Variants in COLEC10 observed in about 807,000 individuals in gnomAD.
The protein encoded by COLEC10 is collectin subfamily member 10.
In COLEC10, 22 loss-of-function variants were observed where a neutral mutation model predicts 28.4. The observed-to-expected ratio is 0.78, with a 90% CI of 0.55 to 1.11. COLEC10 has a LOEUF of 1.11. Ranked by LOEUF, COLEC10 falls within the 50% of genes least tolerant of loss-of-function variation. COLEC10 has a pLI of 0.00. For synonymous variants in COLEC10, 125 were observed against 116.1 expected, an observed-to-expected ratio of 1.08 and a Z score of -0.49; for missense variants, 361 against 344.1, an observed-to-expected ratio of 1.05 and a Z score of -0.39.
intron 1 of COLEC10, among the ~76,000 whole-genome samples, chr8:119,069,227 T>C (rs2130223082): frequency 6.6e-6 from 1 of 152,136 alleles, no homozygotes; most frequent in East Asian, 1.9e-4. Context: ...AGTATATTCA[T>C]CACTGCCTTT....
At chr8:119,042,579 C>T (rs1028819265) in intron 2 of COLEC10, among the ~76,000 whole-genome samples, 2 of 152,096 alleles carry the variant, frequency 1.3e-5, no homozygotes, top group Non-Finnish European at 2.9e-5. Context: ...GAGCCCAGCA[C>T]ACATCCCCTT....
chr8:119,036,324 CTT>C (rs1814389111), intron 2 of COLEC10, among the ~76,000 whole-genome samples: 2 of 152,150 alleles, frequency 1.3e-5, no homozygotes, highest in Admixed American at 1.3e-4. Flanking sequence ...ATCTTGGAGA[CTT>C]TTCAATGATC....
At chr8:119,029,787 A>T (rs775541050) in intron 2 of COLEC10, among the ~76,000 whole-genome samples, 1 of 152,206 alleles carries the variant, frequency 6.6e-6, no homozygotes, top group Non-Finnish European at 1.5e-5. Flanking sequence ...TAAGTATAAG[A>T]CAAATGGTGT....
At chr8:119,088,995 A>G (rs936028312) in intron 1 of COLEC10, among the ~76,000 whole-genome samples, 8 of 152,142 alleles carry the variant, frequency 5.3e-5, no homozygotes, top group South Asian at 2.1e-4. Context: ...TGGAGCTGAG[A>G]CTTCAGTCAA....
the COLEC10 span, among the ~76,000 whole-genome samples, chr8:118,973,020 A>G: frequency 1.6e-4 from 24 of 151,936 alleles, no homozygotes; most frequent in Non-Finnish European, 1.6e-4. Context: ...CATGGGGGTA[A>G]CGACCCCCAT....
intron 3 of COLEC10, among the ~76,000 whole-genome samples, chr8:119,092,397 G>T (rs1054330892): frequency 6.6e-6 from 1 of 152,062 alleles, no homozygotes; most frequent in Non-Finnish European, 1.5e-5. Context: ...ATTAAAGCCT[G>T]AATATTAGAA....
At chr8:119,016,737 A>C (rs1006564022) in intron 2 of COLEC10, among the ~76,000 whole-genome samples, 1 of 152,070 alleles carries the variant, frequency 6.6e-6, no homozygotes, top group African/African-American at 2.4e-5. Context: ...TGTTTGTTTG[A>C]GACAGAGTCT....
chr8:118,974,512 C>T, the COLEC10 span, among the ~76,000 whole-genome samples: 1 of 151,950 alleles, frequency 6.6e-6, no homozygotes, highest in Non-Finnish European at 1.5e-5. Flanking sequence ...GCTGTCTTAT[C>T]AAGCAACTTT....
chr8:118,997,965 T>C (rs1813617686), intron 1 of COLEC10, among the ~76,000 whole-genome samples: 1 of 151,664 alleles, frequency 6.6e-6, no homozygotes, highest in South Asian at 2.1e-4. Context: ...AAATTCATCT[T>C]GTACTCCATT....
At chr8:118,973,022 G>A in the COLEC10 span, among the ~76,000 whole-genome samples, 1 of 151,806 alleles carries the variant, frequency 6.6e-6, no homozygotes, top group Non-Finnish European at 1.5e-5. Context: ...TGGGGGTAAC[G>A]ACCCCCATGA....
At chr8:118,968,118 T>C in the COLEC10 span, among the ~76,000 whole-genome samples, 1 of 152,042 alleles carries the variant, frequency 6.6e-6, no homozygotes, top group African/African-American at 2.4e-5. Flanking sequence ...TTATATTTTG[T>C]GTTTAGAGGT....
At chr8:119,026,751 G>T (rs1814199279) in intron 2 of COLEC10, among the ~76,000 whole-genome samples, 2 of 152,160 alleles carry the variant, frequency 1.3e-5, no homozygotes, top group African/African-American at 4.8e-5. Flanking sequence ...AGTTGGCCGT[G>T]GGAACATCCA....
At chr8:119,041,780 G>C (rs924025097) in intron 2 of COLEC10, among the ~76,000 whole-genome samples, 8 of 152,216 alleles carry the variant, frequency 5.3e-5, no homozygotes, top group Middle Eastern at 6.8e-3. Flanking sequence ...GTGCTTTATG[G>C]AAAGACTTAG....
chr8:119,003,373 G>A lies in COLEC10; in HGVS notation n.123-6068G>A, dbSNP rs555977950. The stretch of plus-strand genomic sequence containing the variant: ...CCGGTTTTTAGGTTCTGCTGAAGTA[G>A]TTGGTTTGGCCCCCAAATGGCATGA... On this transcript the variant is annotated intron_variant and non_coding_transcript_variant, in intron 1 of 6. Transcript: ENST00000521788. 1.1e-4 allele frequency among the ~76,000 whole-genome samples: 16 copies of A among 152,230 alleles called. 1 individual carries two copies. In the South Asian group the frequency reaches 1.9e-3, roughly 18 times the overall value.
At chr8:119,075,892 C>CTTTTTTTTTTTTTTTTTT (rs35870985) in intron 1 of COLEC10, among the ~76,000 whole-genome samples, 1 of 82,404 alleles carries the variant, frequency 1.2e-5, no homozygotes, top group Non-Finnish European at 2.2e-5. Context: ...TCAGCCATAT[C>CTTTTTTTTTTTTTTTTTT]TTTTTTTTTT....
the COLEC10 span, among the ~76,000 whole-genome samples, chr8:118,964,511 G>A: frequency 1.3e-5 from 2 of 152,086 alleles, no homozygotes; most frequent in Non-Finnish European, 2.9e-5. Flanking sequence ...TTTAAATTCT[G>A]TATTATTAGT....
chr8:119,061,750 C>T (rs1052362316), intron 2 of COLEC10, among the ~76,000 whole-genome samples: 2 of 150,456 alleles, frequency 1.3e-5, no homozygotes, highest in Non-Finnish European at 3.0e-5. Context: ...AGGATGAAAC[C>T]AAGAAAAAAA....
chr8:119,060,520 G>A (rs776758582), intron 2 of COLEC10, among the ~76,000 whole-genome samples: 13 of 152,218 alleles, frequency 8.5e-5, no homozygotes, highest in South Asian at 2.1e-4. Flanking sequence ...ATTTTAACCC[G>A]TGGACATCTA....
At chr8:119,018,169 G>A (rs565151154) in intron 2 of COLEC10, among the ~76,000 whole-genome samples, 24 of 152,256 alleles carry the variant, frequency 1.6e-4, no homozygotes, top group East Asian at 7.7e-4. Flanking sequence ...TTTGCACTGC[G>A]CCATCTTAGT....
Sources: allele counts gnomAD v4.1 joint callset (sites outside exome capture counted in the v4.1 genomes callset), GRCh38; gene constraint gnomAD v4.1.1; transcripts MANE v1.5; gene names NCBI Gene and HGNC (gene_info 2026-07-23, HGNC 2026-07-21).